The following PPP4R4 variants were observed in gnomAD, a reference collection of about 807,000 sequenced individuals.
PPP4R4 encodes the protein protein phosphatase 4 regulatory subunit 4.
In PPP4R4, 70 loss-of-function variants were observed where a neutral mutation model predicts 121.8. The ratio of observed to expected loss-of-function variants is 0.57; its 90% CI spans 0.47 to 0.70. The LOEUF is 0.70. Among genes scored for constraint, PPP4R4 ranks in the 30% least tolerant of loss-of-function variants. The pLI is 0.00. For synonymous variants in PPP4R4, 348 were observed against 355.7 expected (o/e 0.98, Z 0.24); for missense variants, 875 against 1,033.6 (o/e 0.85, Z 2.10).
In PPP4R4 at chr14:94,216,538, CA is replaced by C. The variant is rs1354487203; in HGVS notation, c.294+7973del. 2.9e-4 allele frequency among the ~76,000 whole-genome samples: 44 copies of C among 152,300 alleles called. 1 individual carries two copies. In the East Asian group the frequency reaches 8.3e-3, roughly 29 times the overall value. On this transcript the variant is annotated intron_variant, in intron 3 of 24. Coordinates refer to ENST00000304338, the MANE Select transcript of PPP4R4 (RefSeq NM_058237.2). ...TTGCAAGCTCTTTTCCATACGTTTC[CA>C]CTGTTTGATCTGTGAGAAAGACTAG...
chr14:94,257,029 A>G (rs1893511330), intron 17 of PPP4R4, among the ~76,000 whole-genome samples: 1 of 152,086 alleles, frequency 6.6e-6, no homozygotes, highest in South Asian at 2.1e-4. Flanking sequence ...GACTTTATAG[A>G]AGTTATATGC....
At chr14:94,191,160 C>T (rs1162005134) in intron 2 of PPP4R4, among the ~76,000 whole-genome samples, 1 of 152,036 alleles carries the variant, frequency 6.6e-6, no homozygotes, top group African/African-American at 2.4e-5. Context: ...CTTTTCACTC[C>T]AGAACAATTG....
At chr14:94,247,719 C>T (rs548041059) in intron 14 of PPP4R4, among the ~76,000 whole-genome samples, 1 of 152,284 alleles carries the variant, frequency 6.6e-6, no homozygotes, top group African/African-American at 2.4e-5. Context: ...TCACCACAAT[C>T]AAGTGGGCTT....
intron 3 of PPP4R4, among the ~76,000 whole-genome samples, chr14:94,218,266 C>G (rs1242404809): frequency 6.6e-6 from 1 of 152,080 alleles, no homozygotes; most frequent in Non-Finnish European, 1.5e-5. Context: ...TAAAGAAATA[C>G]TAGCCAGGAC....
At chr14:94,233,864 T>G in intron 6 of PPP4R4, 105 bp downstream of exon 6, 1 of 755,078 alleles carries the variant, frequency 1.3e-6, no homozygotes, top group Non-Finnish European at 2.2e-6. Flanking sequence ...CATACAAATT[T>G]AGTTATCTTA....
chr14:94,275,795 G>A (rs777144818), intron 24 of PPP4R4, among the ~76,000 whole-genome samples: 1 of 152,114 alleles, frequency 6.6e-6, no homozygotes, highest in Non-Finnish European at 1.5e-5. Flanking sequence ...TCTATGAAAT[G>A]TTTACATTTA....
At chr14:94,241,754 G>T in intron 9 of PPP4R4, 34 bp from the exon 10 acceptor site, 2 of 1,476,056 alleles carry the variant, frequency 1.4e-6, no homozygotes, top group Non-Finnish European at 1.8e-6. Context: ...GTTTTCAATT[G>T]AAATGTTGAG....
Position 94,217,720 on chromosome 14 carries a change from C to T in PPP4R4, c.294+9154C>T, listed in dbSNP as rs148082040. Among the ~76,000 whole-genome samples the T allele has an allele frequency of 1.4e-3, 214 of 152,292 alleles. 2 individuals are homozygous for T. The highest frequency in any genetic ancestry group is 5.0e-3 in the African/African-American group (206 of 41,562). On this transcript the variant is annotated intron_variant, in intron 3 of 24. Transcript: ENST00000304338. ...ATGAAGATGCTAGAAATAGGCCGGGCGTGGTGGCTCACGCCTGTAATCCCA... is the reference window on the plus strand; with the variant it reads ...ATGAAGATGCTAGAAATAGGCCGGGTGTGGTGGCTCACGCCTGTAATCCCA...
rs767129060 is a variant in PPP4R4, at chr14:94,259,270, C to T, written c.2053-25C>T. On this transcript the variant is annotated intron_variant, in intron 18 of 24. Coordinates refer to ENST00000304338, the MANE Select transcript of PPP4R4 (RefSeq NM_058237.2). Reference sequence around the variant, plus strand: ...GCAGAAACTCATCACTAATGTTTCACAATTTCATTTTAAACTTTAAACAGT... The same window carrying T: ...GCAGAAACTCATCACTAATGTTTCATAATTTCATTTTAAACTTTAAACAGT... The T allele has an allele frequency of 1.5e-5, 24 of 1,588,684 alleles. No homozygotes were observed. In the South Asian group the frequency reaches 2.4e-4, roughly 16 times the overall value.
In PPP4R4 at chr14:94,251,745, C is replaced by T; in HGVS notation, c.1718-4C>T. The T allele has an allele frequency of 6.5e-7, 1 of 1,527,380 alleles. No individual in the cohort carries two copies. The highest frequency in any genetic ancestry group is 8.8e-7 in the Non-Finnish European group (1 of 1,140,252). The allele number at this position is 1,527,380 out of a possible 1,614,324, so 94.6% of individuals were successfully genotyped here. ...CTTAAGATAATTTTTGTTGTTGTTT[C>T]TAGAATTGGGCCAAGGAAAAAGTTA... is the stretch of plus-strand genomic sequence containing the variant. On this transcript the variant is annotated splice_region_variant and splice_polypyrimidine_tract_variant and intron_variant, in intron 15 of 24. Transcript: ENST00000304338.
At chr14:94,246,179 A>G (rs1049388851) in intron 13 of PPP4R4, among the ~76,000 whole-genome samples, 178 bp from the exon 14 acceptor site, 3 of 152,144 alleles carry the variant, frequency 2.0e-5, no homozygotes, top group Admixed American at 6.5e-5. Flanking sequence ...TTACTTAATG[A>G]TTTCTTTTAA....
chr14:94,235,707 C>G (rs1029637868), intron 7 of PPP4R4, among the ~76,000 whole-genome samples: 1 of 152,006 alleles, frequency 6.6e-6, no homozygotes, highest in Non-Finnish European at 1.5e-5. Context: ...CTGTTGCTCC[C>G]CTTGTTCTAT....
chr14:94,186,442 T>C (rs1032489764), intron 2 of PPP4R4, among the ~76,000 whole-genome samples: 3 of 152,236 alleles, frequency 2.0e-5, no homozygotes, highest in African/African-American at 7.2e-5. Context: ...ATTTACTGCT[T>C]TTTATTATTG....
chr14:94,213,226 A>C (rs1018797772), intron 3 of PPP4R4, among the ~76,000 whole-genome samples: 2 of 152,170 alleles, frequency 1.3e-5, no homozygotes, highest in Non-Finnish European at 2.9e-5. Flanking sequence ...CTCACTCTTT[A>C]CTACTCATTA....
intron 2 of PPP4R4, among the ~76,000 whole-genome samples, chr14:94,207,709 T>G (rs1046324153): frequency 1.3e-5 from 2 of 151,544 alleles, no homozygotes; most frequent in African/African-American, 4.8e-5. Context: ...TATCTATCTA[T>G]CTATATATAT....
At chr14:94,193,470 T>C (rs995209932) in intron 2 of PPP4R4, among the ~76,000 whole-genome samples, 1 of 152,140 alleles carries the variant, frequency 6.6e-6, no homozygotes. Flanking sequence ...TTAAATAAGA[T>C]GAGTGCAAGT....
At chr14:94,175,159 C>T (rs1329608911) in intron 1 of PPP4R4, among the ~76,000 whole-genome samples, 1 of 151,004 alleles carries the variant, frequency 6.6e-6, no homozygotes, top group Admixed American at 6.6e-5. Context: ...GTCCCGTCCC[C>T]TCACCCCCAG....
chr14:94,259,776 A>G (rs930263551), intron 19 of PPP4R4, among the ~76,000 whole-genome samples: 1 of 152,208 alleles, frequency 6.6e-6, no homozygotes, highest in African/African-American at 2.4e-5. Context: ...TTGCATTTCC[A>G]TAATTTATAT....
chr14:94,177,626 G>T (rs1888749781), intron 2 of PPP4R4, among the ~76,000 whole-genome samples: 2 of 152,108 alleles, frequency 1.3e-5, no homozygotes, highest in South Asian at 4.1e-4. Context: ...ATAAACACTG[G>T]CTTAGAATTA....
Sources: allele counts gnomAD v4.1 joint callset (sites outside exome capture counted in the v4.1 genomes callset), GRCh38; gene constraint gnomAD v4.1.1; transcripts MANE v1.5; gene names NCBI Gene and HGNC (gene_info 2026-07-23, HGNC 2026-07-21).